KIF14: variants seen among roughly 807,000 people sequenced by gnomAD.
KIF14 encodes kinesin-like protein KIF14.
Under a neutral mutation model 176.2 loss-of-function variants are expected in KIF14, and 98 were observed. The ratio of observed to expected loss-of-function variants is 0.56; its 90% CI spans 0.47 to 0.66. The LOEUF is 0.66. Among genes scored for constraint, KIF14 ranks in the 30% least tolerant of loss-of-function variants. The pLI, the probability that KIF14 is intolerant of heterozygous loss-of-function variation, is 0.00. For synonymous variants in KIF14, 566 were observed against 632.2 expected (o/e 0.90, Z 1.57); for missense variants, 1,751 against 1,920.4 (o/e 0.91, Z 1.65).
At chr1:200,598,449 T>A (rs1471340790) in intron 13 of KIF14, 28 bp from the exon 14 acceptor site, 1 of 1,565,978 alleles carries the variant, frequency 6.4e-7, no homozygotes. Context: ...AAGAAATTAA[T>A]CTTAATCACA....
intron 8 of KIF14, 52 bp downstream of exon 8, chr1:200,605,231 G>T: frequency 6.7e-7 from 1 of 1,499,374 alleles, no homozygotes; most frequent in Non-Finnish European, 9.2e-7. Context: ...CTTGGTCTGG[G>T]TTATCACCAG....
intron 14 of KIF14, 118 bp downstream of exon 14, chr1:200,598,119 T>C (rs1187675953): frequency 1.2e-6 from 1 of 825,894 alleles, no homozygotes; most frequent in South Asian, 1.6e-5. Flanking sequence ...GACTAAACAA[T>C]GGGTTTGAAG....
At chr1:200,588,208 T>A (rs145830260) in intron 18 of KIF14, among the ~76,000 whole-genome samples, 4 of 151,728 alleles carry the variant, frequency 2.6e-5, no homozygotes, top group South Asian at 2.1e-4. Context: ...AGTTCTGGAG[T>A]GCGGCCTAAA....
chr1:200,620,438 C>G lies in KIF14; in HGVS notation c.-143G>C, dbSNP rs1394611530. The G allele has an allele frequency of 6.6e-6, 1 of 151,110 alleles. No homozygotes were observed. Among genetic ancestry groups the G allele is most frequent in the Non-Finnish European group, 1.5e-5 (1 of 68,058 alleles). 9.4% of individuals were successfully genotyped at this position (151,110 alleles called of 1,614,324 possible). On this transcript the variant is annotated 5_prime_UTR_variant, in exon 1 of 30. Coordinates refer to ENST00000367350, the MANE Select transcript of KIF14 (RefSeq NM_014875.3). ...CTTAATGCCAACCGACTCGGGGAGA[C>G]TCGGGGAGAAGCCCACGGGCCGAGA...
rs766526291 is a variant in KIF14 at position 200,617,922 on chromosome 1, T to G, written c.802A>C (p.Asn268His). 1.2e-6 allele frequency: 2 copies of G among 1,613,878 alleles called. No homozygotes were observed. Among genetic ancestry groups the G allele is most frequent in the Non-Finnish European group, 1.7e-6 (2 of 1,180,006 alleles). Residue 268 changes from asparagine (N) to histidine (H), a missense_variant, in exon 2 of 30, where the codon AAT becomes CAT. By Grantham distance (68) the Asn-to-His change is moderately conservative (BLOSUM62 1). Coordinates refer to ENST00000367350, the MANE Select transcript of KIF14 (RefSeq NM_014875.3). ...CTTTTTTCTAAGCTCCCAAATTTAT[T>G]TGAAGTTTTTGCAATTTCCTTCCCA... ...SIGKEIAKTS[N>H]KFGSLEKRTP...
At chr1:200,591,241 TTCC>T (rs1279627616) in intron 16 of KIF14, among the ~76,000 whole-genome samples, 1 of 152,198 alleles carries the variant, frequency 6.6e-6, no homozygotes, top group Non-Finnish European at 1.5e-5. Flanking sequence ...CAGTTCTTGA[TTCC>T]TCCTCCTTTC....
chr1:200,589,634 C>T (rs1438322770), intron 17 of KIF14, among the ~76,000 whole-genome samples: 4 of 148,678 alleles, frequency 2.7e-5, no homozygotes, highest in South Asian at 4.3e-4. Context: ...TATTTTTATT[C>T]CAGTAGCCAT....
chr1:200,559,201 C>T (rs1231712004), intron 27 of KIF14, 129 bp downstream of exon 27: 4 of 492,490 alleles, frequency 8.1e-6, no homozygotes, highest in African/African-American at 2.0e-5. Flanking sequence ...ATGATGTCAG[C>T]CTCTTCAGTG....
At chr1:200,565,892 G>A (rs1657421725) in intron 23 of KIF14, among the ~76,000 whole-genome samples, 2 of 152,150 alleles carry the variant, frequency 1.3e-5, no homozygotes, top group South Asian at 4.1e-4. Context: ...CTATACTTGT[G>A]TATGTTGATT....
chr1:200,618,786 CATTT>C lies in KIF14; in HGVS notation c.-67_-64del. The C allele has an allele frequency of 7.7e-7, 1 of 1,302,436 alleles. No homozygotes were observed. Among genetic ancestry groups the C allele is most frequent in the Non-Finnish European group, 1.0e-6 (1 of 955,726 alleles). The allele number at this position is 1,302,436 out of a possible 1,614,324, so 80.7% of individuals were successfully genotyped here. ...GACCCTAAGCTCTTCTTTGGACATTCATTTGATTTCCAGCCATTTCTTATGTATC... is the reference window on the plus strand; with the variant it reads ...GACCCTAAGCTCTTCTTTGGACATTCGATTTCCAGCCATTTCTTATGTATC... On this transcript the variant is annotated 5_prime_UTR_variant, in exon 2 of 30. The change abolishes an upstream ATG in the 5' untranslated region. Transcript: ENST00000367350.
chr1:200,600,945 C>T lies in KIF14; in HGVS notation c.2153-442G>A, dbSNP rs144784315. Among the ~76,000 whole-genome samples, 582 of 151,812 alleles carry T rather than the reference C, an allele frequency of 3.8e-3. 4 individuals carry two copies. Among genetic ancestry groups the T allele is most frequent in the African/African-American group, 0.013 (543 of 41,380 alleles). On this transcript the variant is annotated intron_variant, in intron 11 of 29. Transcript: ENST00000367350. ...TCTCACTGTCTAGAGTGCAGTGGTA[C>T]GATCTCGGCTCATTGCAACCTCCGC...
In KIF14 at chr1:200,618,353, C is replaced by T. The variant is rs749427210; in HGVS notation, c.371G>A (p.Arg124His). 6 of 1,613,978 alleles carry T rather than the reference C, an allele frequency of 3.7e-6. No individual in the cohort carries two copies. Among genetic ancestry groups the T allele is most frequent in the Admixed American group, 3.3e-5 (2 of 59,988 alleles). Reference protein sequence around the residue: ...TAETRLTLQRRAKTDSAEKWK... With the variant: ...TAETRLTLQRHAKTDSAEKWK... ...CTTTTCTGCAGAATCTGTTTTAGCACGACGTTGTAATGTAAGACGTGTTTC... is the reference window on the plus strand; with the variant it reads ...CTTTTCTGCAGAATCTGTTTTAGCATGACGTTGTAATGTAAGACGTGTTTC... The change falls in exon 2 of 30, where the codon CGT (arginine) becomes CAT (histidine). Residue 124 changes from arginine (R) to histidine (H), a missense_variant. Arg to His is a conservative substitution (Grantham distance 29, BLOSUM62 0). Transcript: ENST00000367350.
chr1:200,604,630 A>T (rs1403875719), intron 8 of KIF14, among the ~76,000 whole-genome samples: 1 of 152,160 alleles, frequency 6.6e-6, no homozygotes, highest in Non-Finnish European at 1.5e-5. Flanking sequence ...CAGTAGAGAA[A>T]AACTTGAGGA....
intron 22 of KIF14, among the ~76,000 whole-genome samples, chr1:200,572,555 G>T (rs1657861952): frequency 6.6e-6 from 1 of 152,122 alleles, no homozygotes; most frequent in African/African-American, 2.4e-5. Context: ...GTGTTAGCCA[G>T]GATGGTCTCA....
chr1:200,600,512 T>A lies in KIF14; in HGVS notation c.2153-9A>T, dbSNP rs112369380. On this transcript the variant is annotated splice_polypyrimidine_tract_variant and intron_variant, in intron 11 of 29. Transcript: ENST00000367350. Reference sequence around the variant, plus strand: ...AATTTCTGCCTTCAATTCTGAAGATTTATACAAAGATGCATTAATAATAAC... The same window carrying A: ...AATTTCTGCCTTCAATTCTGAAGATATATACAAAGATGCATTAATAATAAC... 1.9e-5 allele frequency: 31 copies of A among 1,599,676 alleles called. 1 individual carries two copies. The African/African-American group carries it at 2.7e-4, about 14-fold the overall frequency.
rs1320721297 is a variant in KIF14, at chr1:200,553,251, T to C, written c.*137A>G. 4.3e-6 allele frequency: 4 copies of C among 936,872 alleles called. No homozygotes were observed. The highest frequency in any genetic ancestry group is 4.7e-6 in the Non-Finnish European group (3 of 643,902). The allele number at this position is 936,872 out of a possible 1,614,324, so 58.0% of individuals were successfully genotyped here. On this transcript the variant is annotated 3_prime_UTR_variant, in exon 30 of 30. Transcript: ENST00000367350. ...GTGTCTGGCCTTTGATAAATAGATA[T>C]TTTAAAGATAAAAAGACATGGACTT...
intron 27 of KIF14, among the ~76,000 whole-genome samples, chr1:200,557,293 C>T (rs969790019): frequency 8.5e-5 from 13 of 152,082 alleles, no homozygotes; most frequent in Admixed American, 3.3e-4. Context: ...TGAGCCACCG[C>T]GCCCAGCCGT....
chr1:200,577,428 G>C (rs912239300), intron 21 of KIF14, among the ~76,000 whole-genome samples: 4 of 152,244 alleles, frequency 2.6e-5, no homozygotes, highest in Admixed American at 2.6e-4. Context: ...AAAGTGTTGA[G>C]ATTAAAAGCG....
In KIF14 at chr1:200,589,326, T is replaced by C; in HGVS notation, c.3005A>G (p.Gln1002Arg). ...QRKKMQEINN[Q>R]KANHKIEELE... ...TTCCTCAATTTTGTGATTAGCCTTCTGGTTATTTATTTCCTGCATTTTTTT... is the reference window on the plus strand; with the variant it reads ...TTCCTCAATTTTGTGATTAGCCTTCCGGTTATTTATTTCCTGCATTTTTTT... The change falls in exon 18 of 30, where the codon CAG becomes CGG. Residue 1002 changes from glutamine to arginine, a missense_variant. Coordinates refer to ENST00000367350, the MANE Select transcript of KIF14 (RefSeq NM_014875.3). 1.9e-6 allele frequency: 3 copies of C among 1,610,822 alleles called. No homozygotes were observed. The highest frequency in any genetic ancestry group is 2.5e-6 in the Non-Finnish European group (3 of 1,177,558).
Sources: gnomAD v4.1 joint callset for allele counts (sites outside exome capture counted in the v4.1 genomes callset) on GRCh38, gnomAD v4.1.1 for gene constraint, MANE v1.5 for transcripts, NCBI Gene and HGNC (gene_info 2026-07-23, HGNC 2026-07-21) for gene names.